TMEM108: variants seen among roughly 807,000 people sequenced by gnomAD.
TMEM108 encodes the protein transmembrane protein 108, also known as cancer/testis antigen 124.
A neutral mutation model predicts 35.1 loss-of-function variants in TMEM108; 12 were observed. The observed-to-expected ratio is 0.34, with a 90% CI of 0.22 to 0.55. The LOEUF (loss-of-function observed/expected upper bound fraction) is 0.55, where lower values mean the gene tolerates loss of function less well. TMEM108 is among the 20% of genes least tolerant of loss of function. TMEM108 has a pLI of 0.89. For synonymous variants in TMEM108, 287 were observed against 308.6 expected, an observed-to-expected ratio of 0.93 and a Z score of 0.73; for missense variants, 680 against 753.3, an observed-to-expected ratio of 0.90 and a Z score of 1.14.
In TMEM108 at chr3:133,249,706, A is replaced by G. The variant is rs139002264; in HGVS notation, c.40+20355A>G. On this transcript the variant is annotated intron_variant, in intron 3 of 5. Coordinates refer to ENST00000321871, the MANE Select transcript of TMEM108 (RefSeq NM_023943.4). ...GTACCACGTTTTCCTTATCCAGTCC[A>G]CTGTTGATAGGTACCTCAGTTGATT... Among the ~76,000 whole-genome samples, 289 of 152,220 alleles carry G rather than the reference A, an allele frequency of 1.9e-3. 1 individual carries two copies. Among genetic ancestry groups the G allele is most frequent in the East Asian group, 6.0e-3 (31 of 5,184 alleles).
intron 2 of TMEM108, among the ~76,000 whole-genome samples, chr3:133,063,249 G>T (rs557445318): frequency 7.2e-5 from 11 of 152,278 alleles, no homozygotes; most frequent in African/African-American, 2.4e-4. Flanking sequence ...TTCACTTAGA[G>T]TCATGGCCAC....
chr3:133,224,111 C>G (rs1330120466), intron 2 of TMEM108, among the ~76,000 whole-genome samples: 1 of 152,114 alleles, frequency 6.6e-6, no homozygotes, highest in African/African-American at 2.4e-5. Context: ...ATATATTAAA[C>G]CACAACTGTT....
intron 3 of TMEM108, among the ~76,000 whole-genome samples, chr3:133,274,529 C>T (rs1946813235): frequency 6.6e-6 from 1 of 152,130 alleles, no homozygotes; most frequent in African/African-American, 2.4e-5. Context: ...TGTTTTGTCC[C>T]CCAAAGTAGC....
chr3:133,054,302 G>T (rs1308031446), intron 2 of TMEM108, among the ~76,000 whole-genome samples: 1 of 152,222 alleles, frequency 6.6e-6, no homozygotes, highest in Non-Finnish European at 1.5e-5. Context: ...CCAGTGCTGA[G>T]TGGTAGGGAA....
rs1479742026 is a variant in TMEM108 at position 133,380,431 on chromosome 3, A to C, written c.720A>C (p.Pro240=). 11 of 1,613,026 alleles carry C rather than the reference A, an allele frequency of 6.8e-6. No individual in the cohort carries two copies. The highest frequency in any genetic ancestry group is 9.3e-6 in the Non-Finnish European group (11 of 1,179,554). The change falls in exon 4 of 6, where the codon CCA becomes CCC. Residue 240 remains proline (P), a synonymous_variant. Transcript: ENST00000321871. This position sits in a 1 kb window ranked among gnomAD's most constrained non-coding sequence, Gnocchi z 5.3. ...CCTCTACCCTCACCCCCAGGACCCC[A>C]CTCTGGGGCTACTCCTCTTCACCAC... is the stretch of plus-strand genomic sequence containing the variant. ...PEPSTLTPRT[P]LWGYSSSPQP... is the part of the protein sequence containing the mutation.
At chr3:133,229,564 C>T (rs1169261995) in intron 3 of TMEM108, among the ~76,000 whole-genome samples, 1 of 152,066 alleles carries the variant, frequency 6.6e-6, no homozygotes, top group South Asian at 2.1e-4. Flanking sequence ...TCCTAAATTC[C>T]AAAGGGAAGT....
intron 4 of TMEM108, chr3:133,388,569 C>T (rs2107856992): frequency 1.0e-6 from 1 of 985,446 alleles, no homozygotes. Flanking sequence ...AGCCCTAACA[C>T]TCAGAAATTC....
chr3:133,378,521 A>G (rs2072910007), intron 3 of TMEM108: 2 of 985,504 alleles, frequency 2.0e-6, no homozygotes, highest in African/African-American at 1.7e-5. Context: ...TGAGGATGAC[A>G]AAGAAGGGGA....
intron 2 of TMEM108, among the ~76,000 whole-genome samples, chr3:133,195,024 G>A (rs1165483605): frequency 6.6e-6 from 1 of 151,960 alleles, no homozygotes; most frequent in African/African-American, 2.4e-5. Context: ...GAACAACCTT[G>A]TTATTATTTA....
At chr3:133,283,269 A>C (rs1265918856) in intron 3 of TMEM108, among the ~76,000 whole-genome samples, 1 of 152,258 alleles carries the variant, frequency 6.6e-6, no homozygotes, top group Non-Finnish European at 1.5e-5. Flanking sequence ...TTAATAACCC[A>C]GCATCCTATG....
intron 2 of TMEM108, among the ~76,000 whole-genome samples, chr3:133,187,343 A>G (rs1488349123): frequency 6.6e-6 from 1 of 152,212 alleles, no homozygotes. Flanking sequence ...TTTAGAAACC[A>G]TGAGAAGTTC....
rs1026113283 is a variant in TMEM108 at position 133,059,735 on chromosome 3, C to A, written c.-47+13715C>A. 4.0e-5 allele frequency among the ~76,000 whole-genome samples: 6 copies of A among 151,898 alleles called. 1 individual carries two copies. In the East Asian group the frequency reaches 1.2e-3, roughly 29 times the overall value. On this transcript the variant is annotated intron_variant, in intron 2 of 5. Coordinates refer to ENST00000321871, the MANE Select transcript of TMEM108 (RefSeq NM_023943.4). ...TATTCTCTCTGTTACTTAGGTTCTC[C>A]ATTACATACAAAAATCATTGTTTTT...
chr3:133,193,983 C>G (rs923881502), intron 2 of TMEM108, among the ~76,000 whole-genome samples: 3 of 147,922 alleles, frequency 2.0e-5, no homozygotes, highest in Non-Finnish European at 4.4e-5. Flanking sequence ...GTCACTCAGG[C>G]TGGAGTGCAG....
intron 2 of TMEM108, among the ~76,000 whole-genome samples, chr3:133,178,456 CAG>C (rs1559858550): frequency 1.3e-5 from 2 of 152,016 alleles, no homozygotes; most frequent in East Asian, 1.9e-4. Flanking sequence ...GGTACCAAAA[CAG>C]AGATATAGAC....
At chr3:133,378,401 T>C (rs2072905712) in intron 3 of TMEM108, 1 of 985,388 alleles carries the variant, frequency 1.0e-6, no homozygotes, top group Admixed American at 6.1e-5. Flanking sequence ...CTTTGGCCGT[T>C]TGTCCTGCTG....
intron 2 of TMEM108, among the ~76,000 whole-genome samples, chr3:133,199,583 C>T (rs1245028742): frequency 3.3e-5 from 5 of 152,174 alleles, no homozygotes; most frequent in African/African-American, 9.7e-5. Context: ...GTATCACCAG[C>T]GGAGGCTGCA....
chr3:133,250,845 G>A (rs1164446875), intron 3 of TMEM108, among the ~76,000 whole-genome samples: 1 of 152,050 alleles, frequency 6.6e-6, no homozygotes, highest in African/African-American at 2.4e-5. Context: ...TTTTTTTAAT[G>A]TATCCATCCT....
At chr3:133,095,608 GGA>G (rs1488548572) in intron 2 of TMEM108, among the ~76,000 whole-genome samples, 1 of 151,990 alleles carries the variant, frequency 6.6e-6, no homozygotes, top group Non-Finnish European at 1.5e-5. Flanking sequence ...GGGGTTGATG[GGA>G]GACAGTGACA....
At chr3:133,062,270 A>G (rs577242942) in intron 2 of TMEM108, among the ~76,000 whole-genome samples, 1 of 152,324 alleles carries the variant, frequency 6.6e-6, no homozygotes, top group African/African-American at 2.4e-5. Flanking sequence ...AATAGCTAGG[A>G]AAGCTTTTTA....
Sources: gnomAD v4.1 joint callset for allele counts (sites outside exome capture counted in the v4.1 genomes callset) on GRCh38, gnomAD v4.1.1 for gene constraint, Gnocchi (gnomAD v3.1) non-coding constraint, MANE v1.5 for transcripts, NCBI Gene and HGNC (gene_info 2026-07-23, HGNC 2026-07-21) for gene names.